Variants in TMEM232 observed in about 807,000 individuals in gnomAD.
TMEM232 encodes transmembrane protein 232.
A neutral mutation model predicts 78.8 loss-of-function variants in TMEM232; 80 were observed. That is an observed-to-expected ratio of 1.01 (90% CI 0.85 to 1.22). The LOEUF is 1.22. Among genes scored for constraint, TMEM232 ranks in the 50% most tolerant of loss-of-function variants. TMEM232 has a pLI of 0.00. For synonymous variants in TMEM232, 297 were observed against 254.3 expected (o/e 1.17, Z -1.60); for missense variants, 881 against 742.2 (o/e 1.19, Z -2.17).
chr5:110,484,618 A>T (rs1414855019), intron 12 of TMEM232, among the ~76,000 whole-genome samples: 1 of 152,152 alleles, frequency 6.6e-6, no homozygotes, highest in East Asian at 1.9e-4. Flanking sequence ...GAAAGTAAAA[A>T]GATAAAATAC....
In TMEM232 at chr5:110,528,600, T is replaced by C; in HGVS notation, c.1691A>G (p.His564Arg). The C allele has an allele frequency of 6.5e-7, 1 of 1,530,798 alleles. No individual in the cohort carries two copies. Among genetic ancestry groups the C allele is most frequent in the Non-Finnish European group, 8.7e-7 (1 of 1,144,440 alleles). The allele number at this position is 1,530,798 out of a possible 1,614,324, so 94.8% of individuals were successfully genotyped here. A position where few individuals can be genotyped will look rare whatever the true frequency, so the allele number is the denominator to read the frequency against. Residue 564 changes from histidine to arginine, a missense_variant, in exon 12 of 14, where the codon CAT (histidine) becomes CGT (arginine). Coordinates refer to ENST00000455884, the MANE Select transcript of TMEM232 (RefSeq NM_001039763.4). ...TACTTCTCTTTACCTTACAGTGAAA[T>C]GTAGAACTTGCTTTTTCACAGACTC... is the stretch of plus-strand genomic sequence containing the variant. Reference protein sequence around the residue: ...KLESVKKQVLHFTVREHPSVS... With the variant: ...KLESVKKQVLRFTVREHPSVS...
intron 10 of TMEM232, among the ~76,000 whole-genome samples, chr5:110,603,250 T>C (rs73224385): frequency 0.019 from 2,820 of 152,260 alleles, 107 homozygotes; most frequent in African/African-American, 0.065. Flanking sequence ...TATACCTATG[T>C]AACAAGCCTG....
At chr5:110,431,412 C>T (rs746884851) in intron 12 of TMEM232, among the ~76,000 whole-genome samples, 1 of 151,598 alleles carries the variant, frequency 6.6e-6, no homozygotes, top group African/African-American at 2.4e-5. Context: ...GGAGTCAGTT[C>T]AGCTACTGGT....
At chr5:110,627,421 G>C (rs1037868370) in intron 6 of TMEM232, among the ~76,000 whole-genome samples, 5 of 152,198 alleles carry the variant, frequency 3.3e-5, no homozygotes, top group South Asian at 2.1e-4. Context: ...AACGGATGGG[G>C]AAGGGGGAGA....
chr5:110,586,992 C>T (rs1048645521), intron 10 of TMEM232, among the ~76,000 whole-genome samples: 4 of 151,970 alleles, frequency 2.6e-5, no homozygotes, highest in Non-Finnish European at 5.9e-5. Context: ...AAAAGAGCAA[C>T]ACAATTTCAG....
At chr5:110,541,117 A>G (rs559608512) in intron 11 of TMEM232, among the ~76,000 whole-genome samples, 1 of 152,262 alleles carries the variant, frequency 6.6e-6, no homozygotes, top group East Asian at 1.9e-4. Flanking sequence ...AAACAGCCCA[A>G]TGGAGAATTA....
intron 12 of TMEM232, among the ~76,000 whole-genome samples, chr5:110,450,087 CCT>C (rs563034472): frequency 1.3e-5 from 2 of 152,080 alleles, no homozygotes; most frequent in African/African-American, 2.4e-5. Context: ...TTCCCTCTTT[CCT>C]CTCTGTCTCC....
chr5:110,738,132 C>A, upstream of TMEM232: 2 of 995,600 alleles, frequency 2.0e-6, no homozygotes, highest in Non-Finnish European at 2.6e-6. Flanking sequence ...CTTGGAAAAG[C>A]TCTAGGAATC....
At chr5:110,542,880 G>A (rs992897866) in intron 11 of TMEM232, among the ~76,000 whole-genome samples, 2 of 151,976 alleles carry the variant, frequency 1.3e-5, no homozygotes, top group African/African-American at 2.4e-5. Flanking sequence ...CAGACTGATC[G>A]TGGGCCACTA....
At chr5:110,463,745 G>A (rs1182070384) in intron 12 of TMEM232, among the ~76,000 whole-genome samples, 1 of 152,068 alleles carries the variant, frequency 6.6e-6, no homozygotes, top group Non-Finnish European at 1.5e-5. Flanking sequence ...AATATGGTTA[G>A]TTCTACCTTC....
At chr5:110,669,835 A>C (rs1791124684) in intron 1 of TMEM232, among the ~76,000 whole-genome samples, 1 of 152,228 alleles carries the variant, frequency 6.6e-6, no homozygotes. Context: ...ATATACGCAA[A>C]TCAATAAACA....
At chr5:110,654,899 T>C (rs1326549473) in intron 2 of TMEM232, among the ~76,000 whole-genome samples, 1 of 152,174 alleles carries the variant, frequency 6.6e-6, no homozygotes, top group Admixed American at 6.5e-5. Flanking sequence ...TATTTTATTC[T>C]CTTTGAAGAA....
At chr5:110,505,826 A>G (rs1402428143) in intron 12 of TMEM232, among the ~76,000 whole-genome samples, 2 of 152,108 alleles carry the variant, frequency 1.3e-5, no homozygotes, top group Non-Finnish European at 2.9e-5. Context: ...AGGCATTCCT[A>G]TACTCACATA....
intron 11 of TMEM232, among the ~76,000 whole-genome samples, chr5:110,536,307 T>G (rs1398584966): frequency 6.6e-6 from 1 of 152,198 alleles, no homozygotes; most frequent in Non-Finnish European, 1.5e-5. Flanking sequence ...TTTCAGTATT[T>G]CAGCAGCTGT....
intron 5 of TMEM232, among the ~76,000 whole-genome samples, chr5:110,633,345 A>G (rs1785388950): frequency 6.6e-6 from 1 of 152,168 alleles, no homozygotes; most frequent in South Asian, 2.1e-4. Context: ...GAAAAGACTC[A>G]AATGGTACCA....
chr5:110,591,267 G>T (rs1779495704), intron 10 of TMEM232, among the ~76,000 whole-genome samples: 1 of 152,078 alleles, frequency 6.6e-6, no homozygotes, highest in African/African-American at 2.4e-5. Flanking sequence ...AGACCAGCCT[G>T]GGCAACATGG....
At chr5:110,722,181 CTA>C (rs1797715637) in intron 1 of TMEM232, among the ~76,000 whole-genome samples, 1 of 152,058 alleles carries the variant, frequency 6.6e-6, no homozygotes, top group African/African-American at 2.4e-5. Context: ...ACCTTTTCCC[CTA>C]TATCTTTAGA....
At chr5:110,723,243 G>A (rs1797823809) in intron 1 of TMEM232, among the ~76,000 whole-genome samples, 2 of 152,032 alleles carry the variant, frequency 1.3e-5, no homozygotes, top group Non-Finnish European at 2.9e-5. Context: ...TTTGGCAGTG[G>A]TTATTGTTTT....
intron 10 of TMEM232, among the ~76,000 whole-genome samples, chr5:110,577,258 A>G (rs1403279076): frequency 1.3e-5 from 2 of 152,172 alleles, no homozygotes; most frequent in African/African-American, 4.8e-5. Flanking sequence ...TGTGGCTAAC[A>G]ATCATATTTT....
Sources: allele counts gnomAD v4.1 joint callset (sites outside exome capture counted in the v4.1 genomes callset), GRCh38; gene constraint gnomAD v4.1.1; transcripts MANE v1.5; gene names NCBI Gene and HGNC (gene_info 2026-07-23, HGNC 2026-07-21).